The following SLC39A14 variants were observed in gnomAD, a reference collection of about 807,000 sequenced individuals.
SLC39A14 encodes the protein metal cation symporter ZIP14.
In SLC39A14, 19 loss-of-function variants were observed where a neutral mutation model predicts 45.5. The observed-to-expected ratio is 0.42, with a 90% CI of 0.29 to 0.61. The LOEUF is 0.61. SLC39A14 is among the 20% of genes least tolerant of loss of function. The pLI, the probability that SLC39A14 is intolerant of heterozygous loss-of-function variation, is 0.22. For synonymous variants in SLC39A14, 264 were observed against 251.3 expected, an observed-to-expected ratio of 1.05 and a Z score of -0.48; for missense variants, 447 against 616.5, an observed-to-expected ratio of 0.73 and a Z score of 2.91.
At chr8:22,431,879 T>G (rs1836472306) in intron 8 of SLC39A14, among the ~76,000 whole-genome samples, 1 of 152,234 alleles carries the variant, frequency 6.6e-6, no homozygotes, top group African/African-American at 2.4e-5. Context: ...AAACCTAATT[T>G]GTTATGGAAA....
At chr8:22,386,885 A>G (rs1009227166) in intron 1 of SLC39A14, among the ~76,000 whole-genome samples, 8 of 152,118 alleles carry the variant, frequency 5.3e-5, no homozygotes, top group Admixed American at 4.6e-4. Flanking sequence ...TTAAAAGGCT[A>G]TTGTCGGCCA....
In SLC39A14 at chr8:22,420,612, A is replaced by C. The variant is rs1836171187; in HGVS notation, c.*914A>C. ...ACCTCTGTGTTAGAGGGGAGACTGC[A>C]CAAACTATCCTCCCCCAGGTTGAGA... On this transcript the variant is annotated 3_prime_UTR_variant, in exon 9 of 9. Coordinates refer to ENST00000381237, the MANE Select transcript of SLC39A14 (RefSeq NM_001128431.4). The C allele has an allele frequency of 2.0e-6, 2 of 985,426 alleles. No individual in the cohort carries two copies. The highest frequency in any genetic ancestry group is 1.2e-6 in the Non-Finnish European group (1 of 829,918). 61.0% of individuals were successfully genotyped at this position (985,426 alleles called of 1,614,324 possible).
At chr8:22,392,256 C>T (rs1362313947) in intron 1 of SLC39A14, among the ~76,000 whole-genome samples, 1 of 152,164 alleles carries the variant, frequency 6.6e-6, no homozygotes, top group African/African-American at 2.4e-5. Flanking sequence ...GTGCCGGGCT[C>T]AGTGCTGTGC....
At chr8:22,397,776 A>G (rs1388767997) in intron 1 of SLC39A14, among the ~76,000 whole-genome samples, 2 of 152,170 alleles carry the variant, frequency 1.3e-5, no homozygotes, top group African/African-American at 4.8e-5. Flanking sequence ...CTGGAGATAC[A>G]TTTCTATCAG....
intron 3 of SLC39A14, among the ~76,000 whole-genome samples, chr8:22,411,313 T>C (rs970199309): frequency 4.6e-5 from 7 of 152,086 alleles, no homozygotes; most frequent in Non-Finnish European, 1.0e-4. Flanking sequence ...TTCAAGGAAA[T>C]ATTTTTGTGA....
chr8:22,421,055 G>A lies in SLC39A14; in HGVS notation c.*1357G>A. ...TGGCTTCAAGGGGAGCTCTTCTCCA[G>A]GTTCACTAGGTGAATTGATTTATTA... On this transcript the variant is annotated 3_prime_UTR_variant, in exon 9 of 9. Coordinates refer to ENST00000381237, the MANE Select transcript of SLC39A14 (RefSeq NM_001128431.4). 1.0e-6 allele frequency: 1 copy of A among 985,854 alleles called. No homozygotes were observed. The highest frequency in any genetic ancestry group is 1.2e-6 in the Non-Finnish European group (1 of 829,940). The allele number at this position is 985,854 out of a possible 1,614,324, so 61.1% of individuals were successfully genotyped here.
At chr8:22,402,396 A>G (rs1376605413) in intron 1 of SLC39A14, among the ~76,000 whole-genome samples, 1 of 151,684 alleles carries the variant, frequency 6.6e-6, no homozygotes. Flanking sequence ...AAAAGAAAAA[A>G]AAAGAAAGAG....
At chr8:22,410,220 C>A (rs765613018) in intron 3 of SLC39A14, 9 of 1,174,900 alleles carry the variant, frequency 7.7e-6, no homozygotes, top group African/African-American at 7.6e-5. Flanking sequence ...ATGACTGCCA[C>A]CTGAGAAATG....
chr8:22,382,045 G>T (rs1335052059), intron 1 of SLC39A14, among the ~76,000 whole-genome samples: 1 of 152,070 alleles, frequency 6.6e-6, no homozygotes, highest in African/African-American at 2.4e-5. Flanking sequence ...GGAGGCTGAG[G>T]CAGGAGAATC....
chr8:22,376,914 G>A (rs1833249505), intron 1 of SLC39A14, among the ~76,000 whole-genome samples: 1 of 152,120 alleles, frequency 6.6e-6, no homozygotes, highest in African/African-American at 2.4e-5. Flanking sequence ...AACTGAAGAA[G>A]TTATCTTTCT....
Position 22,412,202 on chromosome 8 carries a change from C to G in SLC39A14, c.623C>G (p.Pro208Arg), listed in dbSNP as rs1308116784. The G allele has an allele frequency of 6.4e-7, 1 of 1,551,560 alleles. No homozygotes were observed. The highest frequency in any genetic ancestry group is 1.2e-5 in the South Asian group (1 of 84,056). The change falls in exon 4 of 9, where the codon CCG becomes CGG. Residue 208 changes from proline (P) to arginine (R), a missense_variant. By Grantham distance (103) the Pro-to-Arg change is moderately radical. Coordinates refer to ENST00000381237, the MANE Select transcript of SLC39A14 (RefSeq NM_001128431.4). ...LYSNALFQLI[P>R]EAFGFNPLED... ...TCCAACGCCCTCTTCCAGCTCATCCCGGAGGTATGGCAAGCCAGGGCCTTC... is the reference window on the plus strand; with the variant it reads ...TCCAACGCCCTCTTCCAGCTCATCCGGGAGGTATGGCAAGCCAGGGCCTTC...
chr8:22,409,800 A>G, intron 3 of SLC39A14: 1 of 766,742 alleles, frequency 1.3e-6, no homozygotes, highest in Non-Finnish European at 2.2e-6. Flanking sequence ...ATCTGGTGAG[A>G]GATGGACTCA....
intron 1 of SLC39A14, among the ~76,000 whole-genome samples, chr8:22,389,531 G>C (rs1833958093): frequency 6.6e-6 from 1 of 152,062 alleles, no homozygotes; most frequent in African/African-American, 2.4e-5. Context: ...CTGAGGCTTG[G>C]CTTCTGGGGT....
At chr8:22,398,719 G>A in intron 1 of SLC39A14, 1 of 985,478 alleles carries the variant, frequency 1.0e-6, no homozygotes, top group Admixed American at 6.1e-5. Context: ...GCAGCATGCT[G>A]AACATCACAG....
intron 1 of SLC39A14, among the ~76,000 whole-genome samples, chr8:22,372,008 G>A (rs896089958): frequency 1.3e-5 from 2 of 152,136 alleles, no homozygotes; most frequent in African/African-American, 4.8e-5. Context: ...CTCCCAAAGT[G>A]CTGGGATTAC....
rs1208620017 is a variant in SLC39A14 at position 22,412,102 on chromosome 8, G to A, written c.523G>A (p.Val175Met). The change falls in exon 4 of 9, where the codon GTG (valine) becomes ATG (methionine). Residue 175 changes from valine (V) to methionine (M), a missense_variant. By Grantham distance (21) the Val-to-Met change is conservative (BLOSUM62 1). This residue lies in a region of SLC39A14 where 342 missense variants were observed against 428.1 expected (regional missense o/e 0.80). Coordinates refer to ENST00000381237, the MANE Select transcript of SLC39A14 (RefSeq NM_001128431.4). ...SLCSLLGASV[V>M]PFMKKTFYKR... Reference sequence around the variant, plus strand: ...CTGCTCCCTCCTGGGGGCCAGCGTGGTGCCCTTCATGAAGAAGACCTTTTA... The same window carrying A: ...CTGCTCCCTCCTGGGGGCCAGCGTGATGCCCTTCATGAAGAAGACCTTTTA... The A allele has an allele frequency of 3.9e-6, 6 of 1,551,684 alleles. No individual in the cohort carries two copies. The highest frequency in any genetic ancestry group is 2.0e-5 in the Admixed American group (1 of 51,008).
chr8:22,407,198 C>T (rs1025014747), intron 2 of SLC39A14, among the ~76,000 whole-genome samples: 2 of 152,144 alleles, frequency 1.3e-5, no homozygotes, highest in African/African-American at 2.4e-5. Flanking sequence ...GCTGATCGGG[C>T]AGCACCACAG....
In SLC39A14 at chr8:22,396,677, A is replaced by G. The variant is rs1290908754; in HGVS notation, c.-15-8019A>G. On this transcript the variant is annotated intron_variant, in intron 1 of 8. Coordinates refer to ENST00000381237, the MANE Select transcript of SLC39A14 (RefSeq NM_001128431.4). ...GGGAGCCCTTATTTCCTTCCAAGGG[A>G]GTCAGCCCATTGTTTTTGGTCCAGG... 2.7e-5 allele frequency among the ~76,000 whole-genome samples: 4 copies of G among 149,072 alleles called. No homozygotes were observed. In the East Asian group the frequency reaches 5.9e-4, roughly 22 times the overall value.
chr8:22,383,082 G>C (rs1047345625), intron 1 of SLC39A14, among the ~76,000 whole-genome samples: 4 of 152,082 alleles, frequency 2.6e-5, no homozygotes, highest in African/African-American at 7.2e-5. Context: ...GCTGGCTTTG[G>C]TGGAAAGCTG....
Sources: allele counts gnomAD v4.1 joint callset (sites outside exome capture counted in the v4.1 genomes callset), GRCh38; gene constraint gnomAD v4.1.1; regional missense constraint gnomAD v4.1.1; transcripts MANE v1.5; gene names NCBI Gene and HGNC (gene_info 2026-07-23, HGNC 2026-07-21).